NUMB: variants seen among roughly 807,000 people sequenced by gnomAD.
The protein encoded by NUMB is NUMB endocytic adaptor protein, also known as protein numb homolog.
NUMB carries 29 observed loss-of-function variants against 59.7 expected under a neutral mutation model. The ratio of observed to expected loss-of-function variants is 0.49; its 90% CI spans 0.36 to 0.66. The LOEUF is 0.66. Ranked by LOEUF, NUMB falls within the 30% of genes least tolerant of loss-of-function variation. The pLI, the probability that NUMB is intolerant of heterozygous loss-of-function variation, is 0.00. For missense variants in NUMB, 723 were observed against 822.0 expected, an observed-to-expected ratio of 0.88 and a Z score of 1.47; for synonymous variants, 288 against 288.2, an observed-to-expected ratio of 1.00 and a Z score of 0.01.
In NUMB at chr14:73,352,769, C is replaced by T. The variant is rs1893482231; in HGVS notation, c.126+2857G>A. On this transcript the variant is annotated intron_variant, in intron 4 of 12. Transcript: ENST00000555238. ...GTGTTAGCCAGGATGGTCTCAATCTCCTGACCTCGTGATCTGCCCGCCCTG... is the reference window on the plus strand; with the variant it reads ...GTGTTAGCCAGGATGGTCTCAATCTTCTGACCTCGTGATCTGCCCGCCCTG... Among the ~76,000 whole-genome samples, 3 of 147,800 alleles carry T rather than the reference C, an allele frequency of 2.0e-5. No homozygotes were observed. The South Asian group carries it at 6.4e-4, about 31-fold the overall frequency.
At chr14:73,295,498 A>G (rs1003104700) in intron 7 of NUMB, among the ~76,000 whole-genome samples, 1 of 152,242 alleles carries the variant, frequency 6.6e-6, no homozygotes, top group Admixed American at 6.5e-5. Context: ...GTTCCAAAAA[A>G]TAATTAAAAT....
chr14:73,301,434 C>A (rs1464668286), intron 6 of NUMB, among the ~76,000 whole-genome samples: 3 of 152,088 alleles, frequency 2.0e-5, no homozygotes, highest in Non-Finnish European at 4.4e-5. Flanking sequence ...TTTCTTGGCC[C>A]AATTATATGC....
At chr14:73,381,317 A>C (rs1184517499) in intron 2 of NUMB, among the ~76,000 whole-genome samples, 3 of 152,166 alleles carry the variant, frequency 2.0e-5, no homozygotes, top group Non-Finnish European at 4.4e-5. Context: ...GAGAAGGTAT[A>C]TTAGAGTCAG....
intron 1 of NUMB, among the ~76,000 whole-genome samples, chr14:73,414,685 C>G (rs1020791101): frequency 1.3e-5 from 2 of 152,120 alleles, no homozygotes; most frequent in Non-Finnish European, 2.9e-5. Context: ...TCGTGCCTGG[C>G]CCCCAGATAA....
chr14:73,423,269 G>A (rs1897430550), intron 1 of NUMB, among the ~76,000 whole-genome samples: 1 of 151,846 alleles, frequency 6.6e-6, no homozygotes, highest in Non-Finnish European at 1.5e-5. Flanking sequence ...GGAGGTCAAG[G>A]TGGGTGGATC....
intron 1 of NUMB, among the ~76,000 whole-genome samples, chr14:73,450,805 C>T (rs1883876382): frequency 6.7e-6 from 1 of 150,004 alleles, no homozygotes; most frequent in Admixed American, 6.6e-5. Context: ...AAAAACAAAA[C>T]AGAATACTGG....
chr14:73,281,620 G>A (rs1447618157), intron 11 of NUMB: 1 of 152,188 alleles, frequency 6.6e-6, no homozygotes, highest in African/African-American at 2.4e-5. Context: ...ATTCTTTGCT[G>A]ACCTCTGAGT....
chr14:73,334,676 C>T (rs745612357), intron 4 of NUMB, among the ~76,000 whole-genome samples: 5 of 152,040 alleles, frequency 3.3e-5, no homozygotes, highest in South Asian at 2.1e-4. Flanking sequence ...AGGCTGGGTG[C>T]GGTGGCTCAC....
At chr14:73,285,867 AGTCAGCGGAGACT>A (rs1888957571) in intron 9 of NUMB, among the ~76,000 whole-genome samples, 1 of 151,762 alleles carries the variant, frequency 6.6e-6, no homozygotes, top group Non-Finnish European at 1.5e-5. Context: ...TGAAGGCGGC[AGTCAGCGGAGACT>A]GCGCCACTAC....
At chr14:73,389,098 TA>T (rs71112747) in intron 2 of NUMB, among the ~76,000 whole-genome samples, 52,147 of 95,456 alleles carry the variant, frequency 0.55, 14,000 homozygotes, top group East Asian at 0.79. Context: ...GACTCTGCCT[TA>T]AAAAAAAAAA....
Position 73,333,564 on chromosome 14 carries a change from C to T in NUMB, c.127-10360G>A, listed in dbSNP as rs533831347. ...GAGAAATTTCTATTCAAGTCCTTTGCCCATTTAAAAATTAGGTTGTATTTT... is the reference window on the plus strand; with the variant it reads ...GAGAAATTTCTATTCAAGTCCTTTGTCCATTTAAAAATTAGGTTGTATTTT... On this transcript the variant is annotated intron_variant, in intron 4 of 12. Coordinates refer to ENST00000555238, the MANE Select transcript of NUMB (RefSeq NM_001005743.2). 2.0e-3 allele frequency among the ~76,000 whole-genome samples: 309 copies of T among 151,946 alleles called. 2 individuals carry two copies. Among genetic ancestry groups the T allele is most frequent in the African/African-American group, 7.2e-3 (297 of 41,454 alleles).
rs777604675 is a variant in NUMB, at chr14:73,282,379, G to C, written c.1076C>G (p.Pro359Arg). Reference protein sequence around the residue: ...PMTKPVTVVAPQSPTFQANGT... With the variant: ...PMTKPVTVVARQSPTFQANGT... ...CCAACCTTGGAAGGTAGGAGATTGT[G>C]GTGCCACCACTGTCACTGGTTTGGT... The change falls in exon 11 of 13, where the codon CCA becomes CGA. Residue 359 changes from proline to arginine, a missense_variant. Around this residue, in one of 2 missense-constraint regions of NUMB, gnomAD observed 406 missense variants for 385.4 expected, o/e 1.05. Coordinates refer to ENST00000555238, the MANE Select transcript of NUMB (RefSeq NM_001005743.2). 1.2e-6 allele frequency: 2 copies of C among 1,614,140 alleles called. No individual in the cohort carries two copies. Among genetic ancestry groups the C allele is most frequent in the Admixed American group, 3.3e-5 (2 of 60,018 alleles).
chr14:73,356,282 A>G (rs540426188), intron 3 of NUMB, among the ~76,000 whole-genome samples: 1 of 152,364 alleles, frequency 6.6e-6, no homozygotes, highest in Non-Finnish European at 1.5e-5. Flanking sequence ...GAAAACACTA[A>G]GCAAAGCAGG....
At chr14:73,434,808 A>C in intron 1 of NUMB, among the ~76,000 whole-genome samples, 1 of 152,194 alleles carries the variant, frequency 6.6e-6, no homozygotes, top group Non-Finnish European at 1.5e-5. Flanking sequence ...AGTTCCCACC[A>C]ATATTAACCA....
intron 6 of NUMB, among the ~76,000 whole-genome samples, chr14:73,313,983 G>A (rs1890937359): frequency 2.6e-5 from 4 of 151,860 alleles, no homozygotes; most frequent in Admixed American, 2.6e-4. Context: ...GATCACCTGA[G>A]GTCAGGAGTT....
At chr14:73,361,064 T>G (rs932141669) in intron 3 of NUMB, among the ~76,000 whole-genome samples, 8 of 151,978 alleles carry the variant, frequency 5.3e-5, no homozygotes, top group African/African-American at 1.9e-4. Flanking sequence ...AATTGTTGTG[T>G]TTTTTTGTAG....
chr14:73,387,719 C>T lies in NUMB; in HGVS notation c.-100-20738G>A, dbSNP rs181215091. ...CTGCACTCCAGCCTGGGCTACAGAG[C>T]AATACCCAATCTCAAAAAAAAAAAA... On this transcript the variant is annotated intron_variant, in intron 2 of 12. Coordinates refer to ENST00000555238, the MANE Select transcript of NUMB (RefSeq NM_001005743.2). Among the ~76,000 whole-genome samples, 479 of 135,408 alleles carry T rather than the reference C, an allele frequency of 3.5e-3. 1 individual carries two copies. The highest frequency in any genetic ancestry group is 7.6e-3 in the Middle Eastern group (2 of 264). 88.8% of individuals were successfully genotyped at this position (135,408 alleles called of 152,430 possible).
intron 8 of NUMB, among the ~76,000 whole-genome samples, chr14:73,289,925 C>T (rs1211699901): frequency 6.6e-6 from 1 of 152,198 alleles, no homozygotes; most frequent in East Asian, 1.9e-4. Flanking sequence ...AGAGTGACCT[C>T]ATCCCCAACC....
chr14:73,423,413 C>A (rs1374819546), intron 1 of NUMB, among the ~76,000 whole-genome samples: 1 of 150,634 alleles, frequency 6.6e-6, no homozygotes, highest in Non-Finnish European at 1.5e-5. Flanking sequence ...CCGAGGCAGG[C>A]GGATCACCTG....
Sources: allele counts gnomAD v4.1 joint callset (sites outside exome capture counted in the v4.1 genomes callset), GRCh38; gene constraint gnomAD v4.1.1; regional missense constraint gnomAD v4.1.1; transcripts MANE v1.5; gene names NCBI Gene and HGNC (gene_info 2026-07-23, HGNC 2026-07-21).